Variants in PLXNA4 observed in about 807,000 individuals in gnomAD.
PLXNA4 encodes the protein plexin A4.
Under a neutral mutation model 191.8 loss-of-function variants are expected in PLXNA4, and 44 were observed. The observed-to-expected ratio is 0.23, with a 90% CI of 0.18 to 0.29. The LOEUF (loss-of-function observed/expected upper bound fraction) is 0.29, where lower values mean the gene tolerates loss of function less well. PLXNA4 is among the 10% of genes least tolerant of loss of function. The probability of loss-of-function intolerance (pLI) is 1.00; values close to 1 mark genes in which losing one functional copy is unlikely to be tolerated. For missense variants in PLXNA4, 1,800 were observed against 2,488.8 expected, an observed-to-expected ratio of 0.72 and a Z score of 5.89; for synonymous variants, 1,082 against 1,009.5, an observed-to-expected ratio of 1.07 and a Z score of -1.36.
chr7:132,269,605 A>G (rs999534660), intron 4 of PLXNA4, among the ~76,000 whole-genome samples: 4 of 152,222 alleles, frequency 2.6e-5, no homozygotes, highest in Non-Finnish European at 5.9e-5. Context: ...AGAAATAACA[A>G]AAAGCTGACC....
chr7:132,592,008 G>A (rs529117066), intron 2 of PLXNA4, among the ~76,000 whole-genome samples: 28 of 152,160 alleles, frequency 1.8e-4, no homozygotes, highest in Non-Finnish European at 3.8e-4. Context: ...GAACTTCTGT[G>A]AAGGGGTGAA....
At chr7:132,385,118 T>C (rs1805067154) in intron 3 of PLXNA4, 1 of 1,589,542 alleles carries the variant, frequency 6.3e-7, no homozygotes, top group African/African-American at 1.3e-5. Context: ...ATGTGTCTCA[T>C]CTGTTTCCAT....
chr7:132,144,550 A>G (rs1051898710), intron 29 of PLXNA4, among the ~76,000 whole-genome samples: 1 of 152,236 alleles, frequency 6.6e-6, no homozygotes, highest in African/African-American at 2.4e-5. Context: ...CTTGAATAGA[A>G]TAGGAATGCC....
intron 2 of PLXNA4, among the ~76,000 whole-genome samples, chr7:132,615,451 G>T (rs935076355): frequency 3.9e-5 from 6 of 152,164 alleles, no homozygotes; most frequent in Non-Finnish European, 8.8e-5. Flanking sequence ...CAGGCGGCCC[G>T]CAGTGCCCGG....
intron 3 of PLXNA4, among the ~76,000 whole-genome samples, chr7:132,430,829 G>A (rs1306723385): frequency 6.6e-6 from 1 of 152,222 alleles, no homozygotes; most frequent in African/African-American, 2.4e-5. Context: ...CATGGTGGCA[G>A]AGTACATAAG....
chr7:132,314,650 G>A (rs1424597), intron 3 of PLXNA4, among the ~76,000 whole-genome samples: 23,163 of 152,180 alleles, frequency 0.15, 2,087 homozygotes, highest in Admixed American at 0.26. Flanking sequence ...GGTTCCAAAA[G>A]AGGTCCTCAC....
chr7:132,164,367 CT>C (rs1796037797), intron 23 of PLXNA4, 79 bp from the exon 24 acceptor site: 1 of 1,557,178 alleles, frequency 6.4e-7, no homozygotes, highest in Non-Finnish European at 8.7e-7. Context: ...CTCCAAAGGG[CT>C]GCTTCCATCC....
chr7:132,356,893 A>G (rs1803729703), intron 3 of PLXNA4, among the ~76,000 whole-genome samples: 1 of 152,188 alleles, frequency 6.6e-6, no homozygotes, highest in African/African-American at 2.4e-5. Context: ...AGGAAGGAAC[A>G]TGTATTAGAG....
intron 2 of PLXNA4, among the ~76,000 whole-genome samples, chr7:132,619,580 A>C (rs1803221250): frequency 6.6e-6 from 1 of 152,254 alleles, no homozygotes; most frequent in Non-Finnish European, 1.5e-5. Flanking sequence ...TCAGGAAAAT[A>C]TCTCTAGATT....
intron 3 of PLXNA4, among the ~76,000 whole-genome samples, chr7:132,334,932 T>C (rs543542710): frequency 1.3e-5 from 2 of 152,346 alleles, no homozygotes; most frequent in Admixed American, 1.3e-4. Context: ...TGCTGTTCTT[T>C]CAATTACCCA....
At chr7:132,189,721 G>A (rs1044605602) in intron 14 of PLXNA4, among the ~76,000 whole-genome samples, 12 of 152,132 alleles carry the variant, frequency 7.9e-5, no homozygotes, top group Non-Finnish European at 1.2e-4. Flanking sequence ...TGAGGGCTCG[G>A]AGACTCTGGA....
In PLXNA4 at chr7:132,228,482, T is replaced by A. The variant is rs569275770; in HGVS notation, c.1605-13A>T. 2 of 1,613,856 alleles carry A rather than the reference T, an allele frequency of 1.2e-6. No individual in the cohort carries two copies. The highest frequency in any genetic ancestry group is 2.7e-5 in the African/African-American group (2 of 75,028). The stretch of plus-strand genomic sequence containing the variant: ...CTTCCGGGTGCAACTGGGAAGGACA[T>A]ACCCTCGAGTTACTCAGGAGATGGC... On this transcript the variant is annotated splice_polypyrimidine_tract_variant and intron_variant, in intron 5 of 31. Transcript: ENST00000321063.
At chr7:132,505,991 G>T (rs1035122084) in intron 2 of PLXNA4, among the ~76,000 whole-genome samples, 1 of 152,032 alleles carries the variant, frequency 6.6e-6, no homozygotes, top group Non-Finnish European at 1.5e-5. Flanking sequence ...CTCCAGTCTG[G>T]CTCTGATTTG....
Position 132,622,144 on chromosome 7 carries a change from C to T in PLXNA4, c.-87+23784G>A, listed in dbSNP as rs535796921. On this transcript the variant is annotated intron_variant, in intron 2 of 4. Transcript: ENST00000378539. ...CGCTTCCAGGACTGGCCTATAAAAA[C>T]CTTCCGCACACAATCTTCCATGCTG... Among the ~76,000 whole-genome samples the T allele has an allele frequency of 3.3e-5, 5 of 152,236 alleles. 1 individual carries two copies. Among genetic ancestry groups the T allele is most frequent in the African/African-American group, 1.2e-4 (5 of 41,546 alleles).
chr7:132,220,077 T>C (rs986513982), intron 9 of PLXNA4, among the ~76,000 whole-genome samples: 7 of 152,132 alleles, frequency 4.6e-5, no homozygotes, highest in Admixed American at 1.3e-4. Flanking sequence ...AATAAGTACA[T>C]ATAGAATGTA....
At chr7:132,546,613 T>C (rs1272304707) in intron 1 of PLXNA4, among the ~76,000 whole-genome samples, 1 of 152,128 alleles carries the variant, frequency 6.6e-6, no homozygotes, top group Non-Finnish European at 1.5e-5. Flanking sequence ...TTTTTAATAA[T>C]ACACTGGAGA....
At chr7:132,336,851 G>A (rs895462759) in intron 3 of PLXNA4, among the ~76,000 whole-genome samples, 8 of 152,148 alleles carry the variant, frequency 5.3e-5, no homozygotes, top group Non-Finnish European at 1.2e-4. Context: ...ACTCCATGAG[G>A]GTAGCAGCCA....
chr7:132,601,325 C>T (rs1802815929), intron 2 of PLXNA4, among the ~76,000 whole-genome samples: 1 of 152,052 alleles, frequency 6.6e-6, no homozygotes, highest in Non-Finnish European at 1.5e-5. Context: ...TGTGGTAGAG[C>T]CCGTGAGAGA....
At chr7:132,274,556 C>G (rs895270354) in intron 4 of PLXNA4, among the ~76,000 whole-genome samples, 1 of 152,048 alleles carries the variant, frequency 6.6e-6, no homozygotes, top group Non-Finnish European at 1.5e-5. Flanking sequence ...CTTGTTATAA[C>G]TCCTTTGTAA....
Sources: allele counts gnomAD v4.1 joint callset (sites outside exome capture counted in the v4.1 genomes callset), GRCh38; gene constraint gnomAD v4.1.1; transcripts MANE v1.5; gene names NCBI Gene and HGNC (gene_info 2026-07-23, HGNC 2026-07-21).